Variants in ANXA11 observed in about 807,000 individuals in gnomAD.
ANXA11 encodes the protein 56 kDa autoantigen.
In ANXA11, 57 loss-of-function variants were observed where a neutral mutation model predicts 64.7. The ratio of observed to expected loss-of-function variants is 0.88; its 90% CI spans 0.71 to 1.10. The LOEUF is 1.10. ANXA11 is among the 50% of genes least tolerant of loss of function. The pLI, the probability that ANXA11 is intolerant of heterozygous loss-of-function variation, is 0.00. For missense variants in ANXA11, 675 were observed against 670.7 expected, an observed-to-expected ratio of 1.01 and a Z score of -0.07; for synonymous variants, 260 against 265.2, an observed-to-expected ratio of 0.98 and a Z score of 0.19.
Position 80,158,002 on chromosome 10 carries a change from C to T in ANXA11, c.1300G>A (p.Ala434Thr), listed in dbSNP as rs765293205. ...TTGTTGAGCCTCTCCGCAAAGAAGG[C>T]TGGGGTATTCTTGAGACATTTCACT... ...AVVKCLKNTP[A>T]FFAERLNKAM... The change falls in exon 14 of 16, where the codon GCC becomes ACC. Residue 434 changes from alanine to threonine, a missense_variant. By Grantham distance (58) the Ala-to-Thr change is moderately conservative (BLOSUM62 0). Coordinates refer to ENST00000422982, the MANE Select transcript of ANXA11 (RefSeq NM_145868.2). 1.2e-6 allele frequency: 2 copies of T among 1,614,116 alleles called. No individual in the cohort carries two copies. Among genetic ancestry groups the T allele is most frequent in the Middle Eastern group, 3.3e-4 (2 of 6,062 alleles).
chr10:80,171,557 A>T (rs1589430794), intron 3 of ANXA11: 11 of 905,578 alleles, frequency 1.2e-5, no homozygotes, highest in Non-Finnish European at 1.5e-5. Context: ...TCAGCTTACA[A>T]ATGGGCTAAT....
At chr10:80,194,998 T>G (rs1846926070) in intron 1 of ANXA11, among the ~76,000 whole-genome samples, 2 of 152,118 alleles carry the variant, frequency 1.3e-5, no homozygotes, top group South Asian at 4.1e-4. Context: ...CCATCTCATC[T>G]CCTTATGAAT....
At chr10:80,173,038 T>C (rs1317108116) in intron 2 of ANXA11, 169 bp from the exon 3 acceptor site, 2 of 596,856 alleles carry the variant, frequency 3.4e-6, no homozygotes, top group Non-Finnish European at 5.9e-6. Context: ...TGCTGGTGCC[T>C]CCAGCTAGAA....
At chr10:80,185,068 T>G (rs754302370) in intron 1 of ANXA11, among the ~76,000 whole-genome samples, 1 of 152,200 alleles carries the variant, frequency 6.6e-6, no homozygotes, top group Non-Finnish European at 1.5e-5. Context: ...TAATAAACAC[T>G]TATAAATCCA....
At chr10:80,162,521 G>C (rs1028065781) in intron 11 of ANXA11, among the ~76,000 whole-genome samples, 1 of 152,204 alleles carries the variant, frequency 6.6e-6, no homozygotes, top group Non-Finnish European at 1.5e-5. Flanking sequence ...GCCCTTGTCC[G>C]GGCTCTGCTT....
chr10:80,168,333 T>A (rs1275586525), intron 5 of ANXA11, among the ~76,000 whole-genome samples: 1 of 151,894 alleles, frequency 6.6e-6, no homozygotes. Flanking sequence ...GCCTGGGCAG[T>A]TCTTACAAAA....
At position 80,159,218 on chromosome 10, in the gene ANXA11, T is replaced by C. The variant is rs199860119; in HGVS notation, c.1181-23A>G. On this transcript the variant is annotated intron_variant, in intron 12 of 15. Transcript: ENST00000422982. ...AAACTATGGGGATGACAGAGGCTTATATTATGAACTGAAATGTGTCTCCCC... is the reference window on the plus strand; with the variant it reads ...AAACTATGGGGATGACAGAGGCTTACATTATGAACTGAAATGTGTCTCCCC... 188 of 1,591,840 alleles carry C rather than the reference T, an allele frequency of 1.2e-4. 1 individual carries two copies. The highest frequency in any genetic ancestry group is 1.5e-4 in the Non-Finnish European group (169 of 1,159,898).
chr10:80,200,962 T>C (rs1445522249), intron 1 of ANXA11, among the ~76,000 whole-genome samples: 2 of 152,058 alleles, frequency 1.3e-5, no homozygotes, highest in Non-Finnish European at 2.9e-5. Context: ...TGGGGAGGGA[T>C]GTCAGTGGCA....
At chr10:80,203,136 T>C (rs1362958567) in intron 1 of ANXA11, among the ~76,000 whole-genome samples, 1 of 151,760 alleles carries the variant, frequency 6.6e-6, no homozygotes, top group Non-Finnish European at 1.5e-5. Flanking sequence ...GGACCTCTGA[T>C]GTTCCAGCAT....
At chr10:80,197,854 G>A (rs1840238623) in intron 1 of ANXA11, among the ~76,000 whole-genome samples, 2 of 151,922 alleles carry the variant, frequency 1.3e-5, no homozygotes, top group South Asian at 4.2e-4. Flanking sequence ...AACCCAGGAG[G>A]CAGAGCTTGC....
chr10:80,157,806 A>G, intron 14 of ANXA11, 43 bp from the exon 15 acceptor site: 1 of 1,599,376 alleles, frequency 6.3e-7, no homozygotes, highest in Non-Finnish European at 8.5e-7. Flanking sequence ...AGGCCTCCTC[A>G]CCTTCCCACC....
chr10:80,185,106 C>T (rs1485349601), intron 1 of ANXA11, among the ~76,000 whole-genome samples: 1 of 152,208 alleles, frequency 6.6e-6, no homozygotes, highest in Non-Finnish European at 1.5e-5. Context: ...ATCACACTCC[C>T]ACAATATGCA....
At chr10:80,181,146 T>C (rs148830967) in intron 1 of ANXA11, 9 of 152,260 alleles carry the variant, frequency 5.9e-5, no homozygotes, top group Non-Finnish European at 1.2e-4. Flanking sequence ...CCTGCTGATA[T>C]ATTCTTTAAA....
intron 1 of ANXA11, among the ~76,000 whole-genome samples, chr10:80,178,603 T>G (rs1846253155): frequency 6.6e-6 from 1 of 152,216 alleles, no homozygotes; most frequent in Non-Finnish European, 1.5e-5. Flanking sequence ...CCCTCTCCAG[T>G]TAAATCGGTG....
intron 1 of ANXA11, among the ~76,000 whole-genome samples, chr10:80,180,647 T>C (rs538224693): frequency 6.6e-6 from 1 of 151,014 alleles, no homozygotes; most frequent in Non-Finnish European, 1.5e-5. Context: ...TATATTAGTT[T>C]TTTTTTTTTT....
chr10:80,156,321 G>T, intron 15 of ANXA11: 1 of 429,852 alleles, frequency 2.3e-6, no homozygotes, highest in Non-Finnish European at 4.8e-6. Context: ...TCCAGTGGAA[G>T]GCTCAGACTG....
rs370415743 is a variant in ANXA11 at position 80,179,584 on chromosome 10, T to C, written c.-57-3429A>G. ...CACTTAAGCATACCCAGAACGACCC[T>C]ATAGTCTAAGAAGAATGTGTGTTCA... On this transcript the variant is annotated intron_variant, in intron 1 of 15. Transcript: ENST00000422982. Among the ~76,000 whole-genome samples the C allele has an allele frequency of 3.0e-4, 46 of 152,252 alleles. No individual in the cohort carries two copies. In the South Asian group the frequency reaches 8.9e-3, roughly 30 times the overall value.
rs1845185495 is a variant in ANXA11, at chr10:80,153,121, C to T, written c.*2732G>A. ...GACCAAAGCACATCCATGTACTTTACAACAGGTGGTCTCCAAGTGTGTAGA... is the reference window on the plus strand; with the variant it reads ...GACCAAAGCACATCCATGTACTTTATAACAGGTGGTCTCCAAGTGTGTAGA... On this transcript the variant is annotated 3_prime_UTR_variant, in exon 16 of 16. Transcript: ENST00000422982. 1 of 152,224 alleles carries T rather than the reference C, an allele frequency of 6.6e-6. No homozygotes were observed. Among genetic ancestry groups the T allele is most frequent in the South Asian group, 2.1e-4 (1 of 4,830 alleles). The allele number at this position is 152,224 out of a possible 1,614,324, so 9.4% of individuals were successfully genotyped here.
Position 80,155,837 on chromosome 10 carries a change from A to T in ANXA11, c.*16T>A. 6.2e-7 allele frequency: 1 copy of T among 1,613,692 alleles called. No individual in the cohort carries two copies. The highest frequency in any genetic ancestry group is 8.5e-7 in the Non-Finnish European group (1 of 1,179,562). On this transcript the variant is annotated 3_prime_UTR_variant, in exon 16 of 16. Coordinates refer to ENST00000422982, the MANE Select transcript of ANXA11 (RefSeq NM_145868.2). ...TGTTGCCGGCAGGTGGGCAGAAGTGAGCCACCAGTCACTGTTCAGTCATTG... is the reference window on the plus strand; with the variant it reads ...TGTTGCCGGCAGGTGGGCAGAAGTGTGCCACCAGTCACTGTTCAGTCATTG...
Sources: allele counts gnomAD v4.1 joint callset (sites outside exome capture counted in the v4.1 genomes callset), GRCh38; gene constraint gnomAD v4.1.1; transcripts MANE v1.5; gene names NCBI Gene and HGNC (gene_info 2026-07-23, HGNC 2026-07-21).